The following ST6GAL1 variants were observed in gnomAD, a reference collection of about 807,000 sequenced individuals.
ST6GAL1 encodes beta-galactoside alpha-2,6-sialyltransferase 1.
Under a neutral mutation model 38.0 loss-of-function variants are expected in ST6GAL1, and 20 were observed. That is an observed-to-expected ratio of 0.53 (90% CI 0.37 to 0.77). The LOEUF (loss-of-function observed/expected upper bound fraction) is 0.77, where lower values mean the gene tolerates loss of function less well. Among genes scored for constraint, ST6GAL1 ranks in the 30% least tolerant of loss-of-function variants. The pLI is 0.00. For missense variants in ST6GAL1, 432 were observed against 496.4 expected (o/e 0.87, Z 1.23); for synonymous variants, 196 against 188.2 (o/e 1.04, Z -0.34).
intron 2 of ST6GAL1, among the ~76,000 whole-genome samples, chr3:187,026,093 C>T (rs191788665): frequency 5.4e-4 from 82 of 152,348 alleles, no homozygotes; most frequent in African/African-American, 1.9e-3. Flanking sequence ...AGGCACTGCG[C>T]GCCCCTCATG....
At chr3:186,997,722 G>A (rs1168736495) in intron 2 of ST6GAL1, among the ~76,000 whole-genome samples, 3 of 151,696 alleles carry the variant, frequency 2.0e-5, no homozygotes, top group African/African-American at 2.4e-5. Flanking sequence ...GAATCATTGC[G>A]CTCCAGCCTA....
intron 5 of ST6GAL1, among the ~76,000 whole-genome samples, chr3:187,068,341 CAA>C (rs112868643): frequency 2.4e-3 from 214 of 87,780 alleles, no homozygotes; most frequent in Middle Eastern, 6.3e-3. Context: ...GACTCCATCT[CAA>C]AAAAAAAAAA....
intron 2 of ST6GAL1, chr3:187,022,142 T>A (rs1717331189): frequency 6.6e-6 from 1 of 152,204 alleles, no homozygotes; most frequent in Admixed American, 6.5e-5. Flanking sequence ...GGAGGGGGGA[T>A]GTCTTGGACA....
Position 187,051,306 on chromosome 3 carries a change from A to G in ST6GAL1, c.665A>G (p.Asp222Gly). The stretch of plus-strand genomic sequence containing the variant: ...GCACCCACAGCCAACTTCCAACAAG[A>G]TGTGGGCACAAAAACTACCATTCGC... ...NGAPTANFQQ[D>G]VGTKTTIRLM... The change falls in exon 5 of 8, where the codon GAT becomes GGT. Residue 222 changes from aspartate (D) to glycine (G), a missense_variant. By Grantham distance (94) the Asp-to-Gly change is moderately conservative. Coordinates refer to ENST00000169298, the MANE Select transcript of ST6GAL1 (RefSeq NM_173216.2). The G allele has an allele frequency of 6.2e-7, 1 of 1,614,166 alleles. No homozygotes were observed. The highest frequency in any genetic ancestry group is 8.5e-7 in the Non-Finnish European group (1 of 1,180,018).
chr3:187,007,219 A>AG (rs1212641492), intron 2 of ST6GAL1, among the ~76,000 whole-genome samples: 5 of 152,210 alleles, frequency 3.3e-5, no homozygotes, highest in African/African-American at 1.2e-4. Context: ...TAGAGGAAGC[A>AG]GGGGGGAAAA....
chr3:187,076,689 A>G lies in ST6GAL1; in HGVS notation c.*886A>G, dbSNP rs1369544758. On this transcript the variant is annotated 3_prime_UTR_variant, in exon 8 of 8. Transcript: ENST00000169298. ...CTTAGAGGAAGAGAAGAAACATGGC[A>G]AGCAGATTACATCTGAGCCGTTTGA... The G allele has an allele frequency of 5.0e-6, 2 of 397,328 alleles. No individual in the cohort carries two copies. Among genetic ancestry groups the G allele is most frequent in the African/African-American group, 2.1e-5 (1 of 48,618 alleles). The allele number at this position is 397,328 out of a possible 1,614,324, so 24.6% of individuals were successfully genotyped here.
intron 1 of ST6GAL1, among the ~76,000 whole-genome samples, chr3:186,961,254 G>T (rs776953586): frequency 4.6e-5 from 7 of 152,106 alleles, no homozygotes; most frequent in African/African-American, 7.2e-5. Flanking sequence ...GGGATTACTG[G>T]CATGAGCCAC....
rs1719550996 is a variant in ST6GAL1 at position 187,076,055 on chromosome 3, C to G, written c.*252C>G. 1.0e-5 allele frequency: 5 copies of G among 485,742 alleles called. No homozygotes were observed. Among genetic ancestry groups the G allele is most frequent in the Non-Finnish European group, 1.5e-5 (4 of 274,296 alleles). The allele number at this position is 485,742 out of a possible 1,614,324, so 30.1% of individuals were successfully genotyped here. A position where few individuals can be genotyped will look rare whatever the true frequency, so the allele number is the denominator to read the frequency against. On this transcript the variant is annotated 3_prime_UTR_variant, in exon 8 of 8. Transcript: ENST00000169298. ...ACACATATCTAGCATTCTTTCCAGA[C>G]AGCATCCTCCCCGCCTTCCACCTTG...
chr3:186,951,181 C>G (rs1037847956), intron 1 of ST6GAL1, among the ~76,000 whole-genome samples: 15 of 152,194 alleles, frequency 9.9e-5, no homozygotes. Flanking sequence ...TCAAGCGATT[C>G]TCCTGCCTCA....
At chr3:186,937,852 C>A (rs1195188061) in intron 1 of ST6GAL1, among the ~76,000 whole-genome samples, 1 of 152,126 alleles carries the variant, frequency 6.6e-6, no homozygotes, top group Non-Finnish European at 1.5e-5. Context: ...GCAGGCAGAT[C>A]ACCTGAGATC....
intron 2 of ST6GAL1, among the ~76,000 whole-genome samples, chr3:187,023,744 G>T (rs928113563): frequency 6.6e-6 from 1 of 151,998 alleles, no homozygotes; most frequent in Non-Finnish European, 1.5e-5. Context: ...TGGGGTGGGG[G>T]GAACGGGGAG....
chr3:187,045,361 C>T (rs1034216580), intron 4 of ST6GAL1, among the ~76,000 whole-genome samples: 1 of 151,912 alleles, frequency 6.6e-6, no homozygotes, highest in African/African-American at 2.4e-5. Flanking sequence ...CTCCAGCAGT[C>T]TCACAAACCA....
intron 2 of ST6GAL1, among the ~76,000 whole-genome samples, chr3:186,998,824 T>A (rs1716509265): frequency 6.6e-6 from 1 of 152,252 alleles, no homozygotes. Context: ...ATCTGGCTAG[T>A]GGCTGTTGCA....
intron 5 of ST6GAL1, 162 bp downstream of exon 5, chr3:187,051,508 C>T (rs918208840): frequency 1.6e-5 from 10 of 626,504 alleles, no homozygotes; most frequent in Non-Finnish European, 2.8e-5. Flanking sequence ...ATTCCATGAC[C>T]CAACCTGATG....
At chr3:186,938,185 G>A (rs564173205) in intron 1 of ST6GAL1, among the ~76,000 whole-genome samples, 1 of 152,336 alleles carries the variant, frequency 6.6e-6, no homozygotes, top group East Asian at 1.9e-4. Flanking sequence ...ATACTTTAAA[G>A]GGTATGACCA....
intron 5 of ST6GAL1, 92 bp downstream of exon 5, chr3:187,051,438 G>A: frequency 8.7e-7 from 1 of 1,148,424 alleles, no homozygotes; most frequent in South Asian, 1.3e-5. Context: ...TATCTAGGCT[G>A]CCAATTAAGT....
At chr3:186,944,819 A>G (rs1336469413) in intron 1 of ST6GAL1, among the ~76,000 whole-genome samples, 1 of 152,222 alleles carries the variant, frequency 6.6e-6, no homozygotes, top group African/African-American at 2.4e-5. Flanking sequence ...GCTTTTGCTC[A>G]TATTCCATTG....
chr3:187,013,786 T>C (rs1238319054), intron 2 of ST6GAL1, among the ~76,000 whole-genome samples: 1 of 152,158 alleles, frequency 6.6e-6, no homozygotes, highest in Non-Finnish European at 1.5e-5. Context: ...GGTTTGACCA[T>C]GTTGGCCAGG....
At chr3:187,055,160 T>C (rs1032152981) in intron 5 of ST6GAL1, among the ~76,000 whole-genome samples, 1 of 152,162 alleles carries the variant, frequency 6.6e-6, no homozygotes, top group Non-Finnish European at 1.5e-5. Context: ...TTTATCGTTT[T>C]TTATTGCGTC....
Sources: allele counts gnomAD v4.1 joint callset (sites outside exome capture counted in the v4.1 genomes callset), GRCh38; gene constraint gnomAD v4.1.1; transcripts MANE v1.5; gene names NCBI Gene and HGNC (gene_info 2026-07-23, HGNC 2026-07-21).